Variants in MYZAP observed in about 807,000 individuals in gnomAD.
MYZAP encodes GRINL1A complex locus upstream.
MYZAP carries 66 observed loss-of-function variants against 69.4 expected under a neutral mutation model. The observed-to-expected ratio is 0.95, with a 90% CI of 0.78 to 1.17. The LOEUF is 1.17. Among genes scored for constraint, MYZAP ranks in the 50% most tolerant of loss-of-function variants. The pLI, the probability that MYZAP is intolerant of heterozygous loss-of-function variation, is 0.00. For missense variants in MYZAP, 611 were observed against 556.2 expected (o/e 1.10, Z -0.99); for synonymous variants, 256 against 205.9 (o/e 1.24, Z -2.09).
intron 1 of MYZAP, among the ~76,000 whole-genome samples, chr15:57,595,658 G>A (rs1198148114): frequency 6.6e-6 from 1 of 152,076 alleles, no homozygotes; most frequent in African/African-American, 2.4e-5. Context: ...CCTGGGCTGT[G>A]GAATGATAGA....
At chr15:57,640,419 G>GA (rs1302707012) in intron 10 of MYZAP, among the ~76,000 whole-genome samples, 3 of 149,442 alleles carry the variant, frequency 2.0e-5, no homozygotes, top group East Asian at 1.9e-4. Flanking sequence ...AACCTGCAAA[G>GA]AAAAAAAAAG....
intron 12 of MYZAP, among the ~76,000 whole-genome samples, chr15:57,677,213 C>T (rs1377738657): frequency 2.6e-5 from 4 of 152,142 alleles, no homozygotes; most frequent in African/African-American, 7.2e-5. Flanking sequence ...GGTTAGTGAG[C>T]GGCTGGACCG....
chr15:57,651,012 T>C (rs2037697882), intron 10 of MYZAP, among the ~76,000 whole-genome samples: 1 of 152,194 alleles, frequency 6.6e-6, no homozygotes, highest in African/African-American at 2.4e-5. Flanking sequence ...AATTCCTCAA[T>C]GGCTCCCCAT....
rs549923013 is a variant in MYZAP at position 57,672,794 on chromosome 15, T to A, written c.1204-2174T>A. On this transcript the variant is annotated intron_variant, in intron 11 of 12. Transcript: ENST00000267853. ...ACAGTTCTGGAATACTCATCACCTT[T>A]GATTTTTCTTACTCTCTTTCCCTTG... Among the ~76,000 whole-genome samples the A allele has an allele frequency of 2.0e-5, 3 of 152,336 alleles. No homozygotes were observed. In the South Asian group the frequency reaches 6.2e-4, roughly 32 times the overall value.
intron 2 of MYZAP, among the ~76,000 whole-genome samples, chr15:57,608,218 A>T (rs1372971551): frequency 1.3e-5 from 2 of 152,094 alleles, no homozygotes; most frequent in Non-Finnish European, 2.9e-5. Flanking sequence ...CTGTTCTGGG[A>T]GGTGTTTAAT....
chr15:57,596,627 C>G (rs2034076513), intron 1 of MYZAP, among the ~76,000 whole-genome samples: 1 of 152,214 alleles, frequency 6.6e-6, no homozygotes, highest in Non-Finnish European at 1.5e-5. Flanking sequence ...CCTGACTCGT[C>G]TGCTTCAAGA....
intron 12 of MYZAP, among the ~76,000 whole-genome samples, chr15:57,678,009 G>A (rs2039225547): frequency 7.3e-6 from 1 of 136,584 alleles, no homozygotes; most frequent in Admixed American, 7.8e-5. Context: ...TTCAAGACCA[G>A]CCTAAGCCAC....
intron 10 of MYZAP, among the ~76,000 whole-genome samples, chr15:57,648,913 A>G (rs2037587563): frequency 6.6e-6 from 1 of 151,114 alleles, no homozygotes; most frequent in Non-Finnish European, 1.5e-5. Context: ...TTTGGTCTCT[A>G]GGCCATGCCT....
intron 2 of MYZAP, among the ~76,000 whole-genome samples, chr15:57,616,621 T>C (rs954332253): frequency 6.6e-6 from 1 of 150,946 alleles, no homozygotes; most frequent in African/African-American, 2.4e-5. Flanking sequence ...GGCGAGAGAG[T>C]GAGACTCTGT....
At position 57,604,295 on chromosome 15, in the gene MYZAP, C is replaced by T. The variant is rs201832214; in HGVS notation, c.102C>T (p.Thr34=). ...RRANVCRLRL[T]VPPESPVPEQ... ...CAAATGTTTGCAGACTACGGCTGACCGTACCTCCTGAGAGTCCAGTTCCTG... is the reference window on the plus strand; with the variant it reads ...CAAATGTTTGCAGACTACGGCTGACTGTACCTCCTGAGAGTCCAGTTCCTG... The change falls in exon 2 of 13, where the codon ACC becomes ACT. Residue 34 remains threonine, a synonymous_variant. Coordinates refer to ENST00000267853, the MANE Select transcript of MYZAP (RefSeq NM_001018100.5). 147 of 1,614,160 alleles carry T rather than the reference C, an allele frequency of 9.1e-5. No individual in the cohort carries two copies. The highest frequency in any genetic ancestry group is 4.1e-4 in the South Asian group (37 of 91,068).
At chr15:57,674,275 C>A (rs2039011396) in intron 11 of MYZAP, among the ~76,000 whole-genome samples, 1 of 152,176 alleles carries the variant, frequency 6.6e-6, no homozygotes, top group Non-Finnish European at 1.5e-5. Context: ...CCCCATGAGG[C>A]AAATCTCCAA....
chr15:57,660,282 T>C (rs1347780938), intron 10 of MYZAP, among the ~76,000 whole-genome samples: 1 of 152,180 alleles, frequency 6.6e-6, no homozygotes, highest in African/African-American at 2.4e-5. Context: ...TTCGCTTCCA[T>C]AGGAATAGTG....
chr15:57,684,383 G>A lies in MYZAP; in HGVS notation c.1305-19G>A. On this transcript the variant is annotated intron_variant, in intron 12 of 12. Transcript: ENST00000267853. ...TTGTTTTGTTTCATTTTCCTGACCT[G>A]CATTTTCTCATTTCTCAGCCAAACA... is the stretch of plus-strand genomic sequence containing the variant. The A allele has an allele frequency of 1.9e-6, 3 of 1,574,416 alleles. No individual in the cohort carries two copies. Among genetic ancestry groups the A allele is most frequent in the African/African-American group, 1.3e-5 (1 of 74,076 alleles).
At chr15:57,637,621 T>C in intron 8 of MYZAP, 74 bp from the exon 9 acceptor site, 1 of 1,527,214 alleles carries the variant, frequency 6.5e-7, no homozygotes. Flanking sequence ...TCCCTAGTGC[T>C]AGAATTGCTA....
chr15:57,619,055 G>T (rs1183472876), intron 3 of MYZAP, among the ~76,000 whole-genome samples: 1 of 152,198 alleles, frequency 6.6e-6, no homozygotes, highest in Non-Finnish European at 1.5e-5. Context: ...GCAGGCTTCA[G>T]TCCTCATGTT....
At chr15:57,652,566 A>G (rs1187081316) in intron 10 of MYZAP, among the ~76,000 whole-genome samples, 1 of 152,210 alleles carries the variant, frequency 6.6e-6, no homozygotes, top group African/African-American at 2.4e-5. Flanking sequence ...TAAAATATCA[A>G]TTATTCTCAT....
At chr15:57,644,607 G>A (rs373065121) in intron 10 of MYZAP, among the ~76,000 whole-genome samples, 4 of 151,880 alleles carry the variant, frequency 2.6e-5, no homozygotes, top group Non-Finnish European at 5.9e-5. Context: ...CCCATGCCCA[G>A]CTAATTTTTG....
chr15:57,629,699 C>G lies in MYZAP; in HGVS notation c.526-3C>G, dbSNP rs2036380123. 9 of 1,606,068 alleles carry G rather than the reference C, an allele frequency of 5.6e-6. No individual in the cohort carries two copies. Among genetic ancestry groups the G allele is most frequent in the Non-Finnish European group, 5.9e-6 (7 of 1,177,802 alleles). On this transcript the variant is annotated splice_polypyrimidine_tract_variant and splice_region_variant and intron_variant, in intron 5 of 12. Transcript: ENST00000267853. Reference sequence around the variant, plus strand: ...GGTTTTGTTTTTATTTTCATCCTCACAGAAAACCCTCGTGGATGTGACTTT... The same window carrying G: ...GGTTTTGTTTTTATTTTCATCCTCAGAGAAAACCCTCGTGGATGTGACTTT...
intron 1 of MYZAP, among the ~76,000 whole-genome samples, chr15:57,594,155 A>T (rs575827295): frequency 6.6e-6 from 1 of 152,322 alleles, no homozygotes; most frequent in South Asian, 2.1e-4. Flanking sequence ...TCACTTTGTC[A>T]TCCAGGCTGG....
Sources: gnomAD v4.1 joint callset for allele counts (sites outside exome capture counted in the v4.1 genomes callset) on GRCh38, gnomAD v4.1.1 for gene constraint, MANE v1.5 for transcripts, NCBI Gene and HGNC (gene_info 2026-07-23, HGNC 2026-07-21) for gene names.